ZBTB46: variants seen among roughly 807,000 people sequenced by gnomAD.
ZBTB46 encodes the protein zinc finger and BTB domain-containing protein 46.
Under a neutral mutation model 44.1 loss-of-function variants are expected in ZBTB46, and 8 were observed. The ratio of observed to expected loss-of-function variants is 0.18; its 90% CI spans 0.11 to 0.33. ZBTB46 has a LOEUF of 0.33. Among genes scored for constraint, ZBTB46 ranks in the 10% least tolerant of loss-of-function variants. The pLI is 1.00. For missense variants in ZBTB46, 651 were observed against 847.7 expected (o/e 0.77, Z 2.88); for synonymous variants, 409 against 382.3 (o/e 1.07, Z -0.81).
chr20:63,830,097 T>TTA (rs2092840158), intron 1 of ZBTB46, among the ~76,000 whole-genome samples: 1 of 152,248 alleles, frequency 6.6e-6, no homozygotes, highest in South Asian at 2.1e-4. Flanking sequence ...TTTCTTTTGT[T>TTA]TATATTTCTT....
At chr20:63,771,313 C>G (rs1198685049) in intron 3 of ZBTB46, among the ~76,000 whole-genome samples, 2 of 152,138 alleles carry the variant, frequency 1.3e-5, no homozygotes, top group East Asian at 1.9e-4. Context: ...GCTGCCCCCA[C>G]TCTCCGGCCC....
intron 1 of ZBTB46, among the ~76,000 whole-genome samples, chr20:63,810,606 C>T (rs6122185): frequency 0.023 from 3,542 of 152,150 alleles, 315 homozygotes; most frequent in East Asian, 0.16. Context: ...ATTAGCTGGG[C>T]GTGGTGGCAC....
At chr20:63,801,960 T>C (rs754888829) in intron 1 of ZBTB46, among the ~76,000 whole-genome samples, 2 of 152,148 alleles carry the variant, frequency 1.3e-5, no homozygotes, top group African/African-American at 2.4e-5. Flanking sequence ...TTTGTAAAAA[T>C]ATTTTTCCTC....
At chr20:63,763,728 C>A (rs901819953) in intron 3 of ZBTB46, among the ~76,000 whole-genome samples, 1 of 152,120 alleles carries the variant, frequency 6.6e-6, no homozygotes. Context: ...TATTCCATTT[C>A]TTCTCCTCAT....
At chr20:63,751,189 C>CAGA (rs1404002225) in intron 4 of ZBTB46, among the ~76,000 whole-genome samples, 1 of 146,732 alleles carries the variant, frequency 6.8e-6, no homozygotes, top group Non-Finnish European at 1.5e-5. Flanking sequence ...CCTGTGTGAA[C>CAGA]AGAAGCACAT....
intron 1 of ZBTB46, among the ~76,000 whole-genome samples, chr20:63,804,418 G>A (rs1228535684): frequency 6.6e-6 from 1 of 152,096 alleles, no homozygotes; most frequent in Non-Finnish European, 1.5e-5. Context: ...CAGCAGTCCT[G>A]AGCCCTCTCA....
At chr20:63,762,562 G>A (rs1164731152) in intron 3 of ZBTB46, among the ~76,000 whole-genome samples, 1 of 152,008 alleles carries the variant, frequency 6.6e-6, no homozygotes, top group Non-Finnish European at 1.5e-5. Context: ...GCTGAGGCAG[G>A]ATAATTGCTT....
chr20:63,816,054 G>A (rs2092754151), intron 1 of ZBTB46, among the ~76,000 whole-genome samples: 2 of 147,402 alleles, frequency 1.4e-5, no homozygotes, highest in African/African-American at 5.0e-5. Context: ...GGGTGCAGGT[G>A]CGGTGGGCGC....
chr20:63,763,474 G>T (rs1476961950), intron 3 of ZBTB46, among the ~76,000 whole-genome samples: 2 of 152,308 alleles, frequency 1.3e-5, no homozygotes, highest in African/African-American at 2.4e-5. Flanking sequence ...AATCATGGCA[G>T]AAGTCGAAGA....
chr20:63,790,374 C>T lies in ZBTB46; in HGVS notation c.384G>A (p.Ala128=), dbSNP rs929930703. The T allele has an allele frequency of 3.0e-5, 48 of 1,613,108 alleles. No homozygotes were observed. The highest frequency in any genetic ancestry group is 6.7e-5 in the East Asian group (3 of 44,880). ...VQACHDFIKA[A]LDISIKSDAS... Reference sequence around the variant, plus strand: ...CGTCCGACTTGATGCTGATGTCCAGCGCCGCCTTGATGAAGTCGTGGCAGG... The same window carrying T: ...CGTCCGACTTGATGCTGATGTCCAGTGCCGCCTTGATGAAGTCGTGGCAGG... The change falls in exon 2 of 5, where the codon GCG becomes GCA. Residue 128 remains alanine (A), a synonymous_variant. Coordinates refer to ENST00000245663, the MANE Select transcript of ZBTB46 (RefSeq NM_001369741.1).
At chr20:63,798,929 A>G (rs1195651870) in intron 1 of ZBTB46, among the ~76,000 whole-genome samples, 1 of 152,050 alleles carries the variant, frequency 6.6e-6, no homozygotes, top group Non-Finnish European at 1.5e-5. Flanking sequence ...TCAAACTGCC[A>G]GTGGCCAGGA....
intron 3 of ZBTB46, among the ~76,000 whole-genome samples, chr20:63,753,215 C>T (rs560847869): frequency 6.6e-6 from 1 of 152,304 alleles, no homozygotes; most frequent in East Asian, 1.9e-4. Flanking sequence ...GCCCTCAGAC[C>T]CCACTGGGCA....
intron 1 of ZBTB46, among the ~76,000 whole-genome samples, chr20:63,792,009 A>G (rs67542556): frequency 0.077 from 11,691 of 152,194 alleles, 899 homozygotes; most frequent in East Asian, 0.43. Context: ...GTGTGGAGGC[A>G]TCGCACGAGC....
chr20:63,766,636 T>G (rs756088344), intron 3 of ZBTB46, among the ~76,000 whole-genome samples: 76 of 152,138 alleles, frequency 5.0e-4, no homozygotes, highest in Admixed American at 3.2e-3. Flanking sequence ...ACGGCCTGTG[T>G]GGACTGCTCT....
intron 1 of ZBTB46, among the ~76,000 whole-genome samples, chr20:63,792,521 C>CTTT (rs559922962): frequency 6.9e-6 from 1 of 145,904 alleles, no homozygotes; most frequent in Non-Finnish European, 1.5e-5. Context: ...ATATTTTCTT[C>CTTT]TTTTTTTTTT....
rs764499927 is a variant in ZBTB46, at chr20:63,767,328, A to G, written c.1222+8350T>C. Among the ~76,000 whole-genome samples the G allele has an allele frequency of 6.6e-6, 1 of 151,344 alleles. No homozygotes were observed. Among genetic ancestry groups the G allele is most frequent in the African/African-American group, 2.4e-5 (1 of 41,120 alleles). ...ATCCCGTAGGATCTCGGTCATCTGA[A>G]CCCCGTCGGGCAGAAGCTGGAGGTC... is the stretch of plus-strand genomic sequence containing the variant. On this transcript the variant is annotated intron_variant, in intron 3 of 4. Coordinates refer to ENST00000245663, the MANE Select transcript of ZBTB46 (RefSeq NM_001369741.1). This position sits in a 1 kb window ranked among gnomAD's most constrained non-coding sequence, Gnocchi z 5.0.
At chr20:63,782,096 AAAAAG>A (rs1292028300) in intron 2 of ZBTB46, among the ~76,000 whole-genome samples, 2 of 124,924 alleles carry the variant, frequency 1.6e-5, no homozygotes, top group African/African-American at 2.9e-5. Context: ...CAAAAAAAAA[AAAAAG>A]AAAAGAGGCG....
At chr20:63,779,210 C>T (rs1319151983) in intron 2 of ZBTB46, among the ~76,000 whole-genome samples, 1 of 149,002 alleles carries the variant, frequency 6.7e-6, no homozygotes, top group Non-Finnish European at 1.5e-5. Context: ...AAAAAAATCA[C>T]CCAATTTTAT....
chr20:63,812,145 C>T (rs894046506), intron 1 of ZBTB46, among the ~76,000 whole-genome samples: 20 of 152,244 alleles, frequency 1.3e-4, no homozygotes, highest in Middle Eastern at 3.4e-3. Context: ...AGAGAAGCAA[C>T]GGTAAACTAC....
Sources: gnomAD v4.1 joint callset for allele counts (sites outside exome capture counted in the v4.1 genomes callset) on GRCh38, gnomAD v4.1.1 for gene constraint, Gnocchi (gnomAD v3.1) non-coding constraint, MANE v1.5 for transcripts, NCBI Gene and HGNC (gene_info 2026-07-23, HGNC 2026-07-21) for gene names.